The following ROR1 variants were observed in gnomAD, a reference collection of about 807,000 sequenced individuals.
ROR1 encodes inactive tyrosine-protein kinase transmembrane receptor ROR1.
In ROR1, 19 loss-of-function variants were observed where a neutral mutation model predicts 78.8. The observed-to-expected ratio is 0.24, with a 90% CI of 0.17 to 0.35. The LOEUF (loss-of-function observed/expected upper bound fraction) is 0.35, where lower values mean the gene tolerates loss of function less well. ROR1 is among the 10% of genes least tolerant of loss of function. ROR1 has a pLI of 1.00. For missense variants in ROR1, 917 were observed against 1,177.8 expected, an observed-to-expected ratio of 0.78 and a Z score of 3.24; for synonymous variants, 386 against 433.6, an observed-to-expected ratio of 0.89 and a Z score of 1.36.
At chr1:64,177,083 G>T (rs1650402472) in intron 8 of ROR1, among the ~76,000 whole-genome samples, 1 of 152,234 alleles carries the variant, frequency 6.6e-6, no homozygotes, top group African/African-American at 2.4e-5. Context: ...TGCACATGCA[G>T]ATTCAGTAGG....
chr1:64,060,328 T>C (rs1039101099), intron 4 of ROR1, among the ~76,000 whole-genome samples: 2 of 152,212 alleles, frequency 1.3e-5, no homozygotes, highest in African/African-American at 4.8e-5. Context: ...AGGCTGTTCC[T>C]TCTTTCCAGC....
At position 64,159,144 on chromosome 1, in the gene ROR1, C is replaced by T. The variant is rs371319207; in HGVS notation, c.1338C>T (p.Val446=). The change falls in exon 8 of 9, where the codon GTC becomes GTT. Residue 446 remains valine (V), a synonymous_variant. Coordinates refer to ENST00000371079, the MANE Select transcript of ROR1 (RefSeq NM_005012.4). ...SAPVQRQPKH[V]RGQNVEMSML... is the part of the protein sequence containing the mutation. ...CAGTCCAGAGGCAACCAAAACACGT[C>T]AGAGGTCAAAATGTAGAGATGTCAA... The T allele has an allele frequency of 1.2e-6, 2 of 1,614,100 alleles. No homozygotes were observed. The highest frequency in any genetic ancestry group is 8.5e-7 in the Non-Finnish European group (1 of 1,179,984).
intron 2 of ROR1, among the ~76,000 whole-genome samples, chr1:64,011,641 G>C (rs1646475316): frequency 6.6e-6 from 1 of 152,188 alleles, no homozygotes; most frequent in African/African-American, 2.4e-5. Context: ...TGAAGGGAAG[G>C]ATAAAGGCAG....
At chr1:63,939,265 G>A (rs1645817689) in intron 1 of ROR1, among the ~76,000 whole-genome samples, 1 of 152,082 alleles carries the variant, frequency 6.6e-6, no homozygotes, top group Non-Finnish European at 1.5e-5. Context: ...CCCATGCCCA[G>A]GTCAGCTTTA....
At chr1:63,783,171 T>A (rs1344311213) in intron 1 of ROR1, among the ~76,000 whole-genome samples, 1 of 151,994 alleles carries the variant, frequency 6.6e-6, no homozygotes, top group Non-Finnish European at 1.5e-5. Flanking sequence ...AAAGACAGCG[T>A]TGAATGAAGC....
chr1:63,998,506 T>G (rs1646357469), intron 1 of ROR1, among the ~76,000 whole-genome samples: 1 of 152,158 alleles, frequency 6.6e-6, no homozygotes, highest in South Asian at 2.1e-4. Flanking sequence ...ATATTCTGTT[T>G]TACATATTCT....
At chr1:63,971,449 C>T (rs1646119272) in intron 1 of ROR1, among the ~76,000 whole-genome samples, 1 of 152,130 alleles carries the variant, frequency 6.6e-6, no homozygotes, top group Admixed American at 6.5e-5. Flanking sequence ...AATATTTACT[C>T]AAGCTGGTCT....
chr1:63,871,744 A>G (rs1311944508), intron 1 of ROR1, among the ~76,000 whole-genome samples: 11 of 152,188 alleles, frequency 7.2e-5, no homozygotes. Flanking sequence ...ACTTAACACT[A>G]TGTTCATTTT....
intron 2 of ROR1, among the ~76,000 whole-genome samples, chr1:64,021,352 C>G (rs560948490): frequency 1.3e-5 from 2 of 152,288 alleles, no homozygotes; most frequent in South Asian, 4.1e-4. Context: ...CTTATACATT[C>G]AACAGGTATT....
At chr1:63,913,653 AT>A (rs1329093263) in intron 1 of ROR1, among the ~76,000 whole-genome samples, 1 of 151,960 alleles carries the variant, frequency 6.6e-6, no homozygotes, top group Non-Finnish European at 1.5e-5. Context: ...TCCCCCTGAG[AT>A]TTTCTTAGCT....
At chr1:63,821,199 C>T (rs1055400058) in intron 1 of ROR1, among the ~76,000 whole-genome samples, 2 of 152,120 alleles carry the variant, frequency 1.3e-5, no homozygotes, top group Non-Finnish European at 2.9e-5. Context: ...ACCATGCTGT[C>T]CTTATCCTTA....
chr1:64,067,925 G>A (rs1646972310), intron 4 of ROR1, among the ~76,000 whole-genome samples: 1 of 151,984 alleles, frequency 6.6e-6, no homozygotes, highest in African/African-American at 2.4e-5. Context: ...TGTTAGCCAG[G>A]ATGGTCTCGA....
At chr1:63,874,074 A>C (rs191548638) in intron 1 of ROR1, among the ~76,000 whole-genome samples, 1 of 152,184 alleles carries the variant, frequency 6.6e-6, no homozygotes, top group Admixed American at 6.6e-5. Flanking sequence ...AAAAACATTT[A>C]AAAATGGGCA....
intron 1 of ROR1, among the ~76,000 whole-genome samples, chr1:63,862,543 AAAG>A (rs1173847613): frequency 1.3e-5 from 2 of 152,104 alleles, no homozygotes; most frequent in Non-Finnish European, 2.9e-5. Flanking sequence ...TGTAGCTGTG[AAAG>A]AAGTATATCT....
intron 1 of ROR1, among the ~76,000 whole-genome samples, chr1:63,891,658 G>A (rs975436944): frequency 3.9e-5 from 6 of 152,090 alleles, no homozygotes; most frequent in African/African-American, 9.7e-5. Context: ...TTCATGCCTC[G>A]AGTATGCATC....
chr1:63,942,298 A>G (rs930281478), intron 1 of ROR1, among the ~76,000 whole-genome samples: 1 of 152,166 alleles, frequency 6.6e-6, no homozygotes, highest in Non-Finnish European at 1.5e-5. Flanking sequence ...TATTTAACAA[A>G]TGGTCATGAT....
At chr1:63,872,602 G>T (rs1034297376) in intron 1 of ROR1, among the ~76,000 whole-genome samples, 2 of 152,134 alleles carry the variant, frequency 1.3e-5, no homozygotes, top group South Asian at 2.1e-4. Flanking sequence ...TCTCAGATTT[G>T]TCCAAGGCCA....
chr1:63,782,004 C>A (rs1440129299), intron 1 of ROR1, among the ~76,000 whole-genome samples: 2 of 152,182 alleles, frequency 1.3e-5, no homozygotes, highest in Admixed American at 1.3e-4. Flanking sequence ...CAAGATGTCT[C>A]ATCATGAACT....
At chr1:63,985,535 C>T (rs1330335104) in intron 1 of ROR1, among the ~76,000 whole-genome samples, 1 of 151,972 alleles carries the variant, frequency 6.6e-6, no homozygotes, top group Non-Finnish European at 1.5e-5. Flanking sequence ...CACACCTGAC[C>T]TCATGTGATG....
Sources: gnomAD v4.1 joint callset for allele counts (sites outside exome capture counted in the v4.1 genomes callset) on GRCh38, gnomAD v4.1.1 for gene constraint, MANE v1.5 for transcripts, NCBI Gene and HGNC (gene_info 2026-07-23, HGNC 2026-07-21) for gene names.